Variants in ZFPM2 observed in about 807,000 individuals in gnomAD.
ZFPM2 encodes zinc finger protein, FOG family member 2, also known as zinc finger protein ZFPM2.
In ZFPM2, 20 loss-of-function variants were observed where a neutral mutation model predicts 98.6. That is an observed-to-expected ratio of 0.20 (90% CI 0.14 to 0.29). ZFPM2 has a LOEUF of 0.29. Among genes scored for constraint, ZFPM2 ranks in the 10% least tolerant of loss-of-function variants. The pLI is 1.00. For synonymous variants in ZFPM2, 518 were observed against 502.7 expected (o/e 1.03, Z -0.41); for missense variants, 1,310 against 1,388.6 (o/e 0.94, Z 0.90).
intron 5 of ZFPM2, among the ~76,000 whole-genome samples, chr8:105,691,993 A>T (rs1035000164): frequency 1.3e-5 from 2 of 152,238 alleles, no homozygotes; most frequent in African/African-American, 4.8e-5. Context: ...GCAAAAAGCT[A>T]ACAATCTTCT....
chr8:105,355,007 C>G (rs1318919607), intron 1 of ZFPM2, among the ~76,000 whole-genome samples: 1 of 152,060 alleles, frequency 6.6e-6, no homozygotes, highest in Non-Finnish European at 1.5e-5. Flanking sequence ...ATCAAATGTT[C>G]TAAAGTTTCT....
chr8:105,456,146 G>GTTTTT (rs200639878), intron 3 of ZFPM2, among the ~76,000 whole-genome samples: 17 of 93,340 alleles, frequency 1.8e-4, no homozygotes, highest in South Asian at 1.6e-3. Context: ...CCAGGAAAAT[G>GTTTTT]TTTTTTTTTG....
chr8:105,336,921 G>T (rs1396977245), intron 1 of ZFPM2, among the ~76,000 whole-genome samples: 1 of 151,728 alleles, frequency 6.6e-6, no homozygotes, highest in Non-Finnish European at 1.5e-5. Context: ...ACCATTACCA[G>T]AAAAAGTGAG....
intron 5 of ZFPM2, among the ~76,000 whole-genome samples, chr8:105,709,057 T>C (rs1811323542): frequency 6.6e-6 from 1 of 152,158 alleles, no homozygotes; most frequent in African/African-American, 2.4e-5. Context: ...ATAACTATTC[T>C]ATTTTTTGGT....
intron 3 of ZFPM2, among the ~76,000 whole-genome samples, chr8:105,542,509 T>C (rs4734875): frequency 0.26 from 39,474 of 152,068 alleles, 5,285 homozygotes; most frequent in African/African-American, 0.32. Context: ...TTCCAGAATT[T>C]TTTTCAATGA....
At chr8:105,399,843 G>A (rs550965794) in intron 1 of ZFPM2, among the ~76,000 whole-genome samples, 23 of 152,140 alleles carry the variant, frequency 1.5e-4, no homozygotes, top group Middle Eastern at 3.4e-3. Flanking sequence ...TCGGCTCACC[G>A]CAACCTGTGC....
intron 5 of ZFPM2, among the ~76,000 whole-genome samples, chr8:105,729,912 A>G (rs1811893114): frequency 6.6e-6 from 1 of 151,156 alleles, no homozygotes. Flanking sequence ...TATATATATT[A>G]AATATATAAT....
intron 3 of ZFPM2, among the ~76,000 whole-genome samples, chr8:105,494,378 T>C (rs1813420311): frequency 6.6e-6 from 1 of 151,456 alleles, no homozygotes; most frequent in African/African-American, 2.4e-5. Context: ...CTTGGGTACC[T>C]CCCACACCTA....
chr8:105,375,823 T>C (rs918188756), intron 1 of ZFPM2, among the ~76,000 whole-genome samples: 5 of 152,184 alleles, frequency 3.3e-5, no homozygotes, highest in Non-Finnish European at 1.5e-5. Flanking sequence ...CTACTTCTTG[T>C]CCAAGGGTTT....
intron 4 of ZFPM2, among the ~76,000 whole-genome samples, chr8:105,570,593 A>G (rs1254618103): frequency 6.6e-6 from 1 of 152,082 alleles, no homozygotes; most frequent in Non-Finnish European, 1.5e-5. Context: ...TGAAATGAAA[A>G]CCTGAATTTG....
intron 5 of ZFPM2, among the ~76,000 whole-genome samples, chr8:105,636,809 G>A (rs1586165670): frequency 6.6e-6 from 1 of 152,112 alleles, no homozygotes; most frequent in South Asian, 2.1e-4. Flanking sequence ...GGGTAATTTG[G>A]CATCGTTCAA....
At chr8:105,348,572 A>T (rs1426346453) in intron 1 of ZFPM2, among the ~76,000 whole-genome samples, 1 of 152,222 alleles carries the variant, frequency 6.6e-6, no homozygotes, top group East Asian at 1.9e-4. Context: ...AATGTAAAGA[A>T]GAAAAGTATA....
intron 3 of ZFPM2, among the ~76,000 whole-genome samples, chr8:105,559,934 G>A (rs1377949871): frequency 3.9e-5 from 6 of 151,948 alleles, no homozygotes; most frequent in South Asian, 2.1e-4. Context: ...TAGGCCAGGC[G>A]CGGTGGCTCA....
rs1381373144 is a variant in ZFPM2 at position 105,318,834 on chromosome 8, C to G, written c.-108C>G. ...ACCTGGAGTCCGGCCGGCGGCGGGC[C>G]GAGCCTGGCCAGCGGCGGCGGCGGC... On this transcript the variant is annotated 5_prime_UTR_variant, in exon 1 of 8. Transcript: ENST00000407775. 7.8e-5 allele frequency: 50 copies of G among 638,972 alleles called. No homozygotes were observed. Among genetic ancestry groups the G allele is most frequent in the Non-Finnish European group, 9.2e-5 (48 of 520,598 alleles). The allele number at this position is 638,972 out of a possible 1,614,324, so 39.6% of individuals were successfully genotyped here. A position where few individuals can be genotyped will look rare whatever the true frequency, so the allele number is the denominator to read the frequency against.
intron 1 of ZFPM2, among the ~76,000 whole-genome samples, chr8:105,337,243 G>C (rs193275265): frequency 4.0e-4 from 61 of 151,880 alleles, no homozygotes; most frequent in Non-Finnish European, 7.8e-4. Context: ...GTCAGAGACT[G>C]GGGGTGGGGC....
chr8:105,802,673 A>T lies in ZFPM2; in HGVS notation c.2591A>T (p.Asn864Ile). 6.2e-7 allele frequency: 1 copy of T among 1,611,096 alleles called. No individual in the cohort carries two copies. Among genetic ancestry groups the T allele is most frequent in the Non-Finnish European group, 8.5e-7 (1 of 1,178,622 alleles). The change falls in exon 8 of 8, where the codon AAT becomes ATT. Residue 864 changes from asparagine to isoleucine, a missense_variant. Coordinates refer to ENST00000407775, the MANE Select transcript of ZFPM2 (RefSeq NM_012082.4). ...HECTVCKISF[N>I]KVENYLAHKQ... The stretch of plus-strand genomic sequence containing the variant: ...TGCACTGTGTGCAAGATCAGTTTCA[A>T]TAAGGTAGAAAACTATCTGGCCCAC...
chr8:105,349,098 G>A (rs1812594469), intron 1 of ZFPM2, among the ~76,000 whole-genome samples: 1 of 152,070 alleles, frequency 6.6e-6, no homozygotes, highest in African/African-American at 2.4e-5. Flanking sequence ...CCCGCTACAG[G>A]TTTTACTATT....
At chr8:105,549,271 C>T (rs1349854122) in intron 3 of ZFPM2, among the ~76,000 whole-genome samples, 1 of 152,144 alleles carries the variant, frequency 6.6e-6, no homozygotes, top group East Asian at 1.9e-4. Context: ...ATATATGGAA[C>T]ATATTTATAG....
At chr8:105,537,997 A>G (rs1814492865) in intron 3 of ZFPM2, among the ~76,000 whole-genome samples, 1 of 152,030 alleles carries the variant, frequency 6.6e-6, no homozygotes. Flanking sequence ...CCCAAAGTGT[A>G]TAATATCTTT....
Sources: allele counts gnomAD v4.1 joint callset (sites outside exome capture counted in the v4.1 genomes callset), GRCh38; gene constraint gnomAD v4.1.1; transcripts MANE v1.5; gene names NCBI Gene and HGNC (gene_info 2026-07-23, HGNC 2026-07-21).